Variants in POU6F2 observed in about 807,000 individuals in gnomAD.
POU6F2 encodes the protein POU class 6 homeobox 2.
A neutral mutation model predicts 71.3 loss-of-function variants in POU6F2; 31 were observed. The observed-to-expected ratio is 0.43, with a 90% CI of 0.33 to 0.59. The LOEUF (loss-of-function observed/expected upper bound fraction) is 0.59, where lower values mean the gene tolerates loss of function less well. POU6F2 is among the 20% of genes least tolerant of loss of function. The pLI is 0.04. For missense variants in POU6F2, 783 were observed against 856.8 expected (o/e 0.91, Z 1.07); for synonymous variants, 347 against 355.7 (o/e 0.98, Z 0.27).
chr7:39,414,005 C>G (rs559040543), intron 6 of POU6F2, among the ~76,000 whole-genome samples: 1 of 152,190 alleles, frequency 6.6e-6, no homozygotes, highest in Admixed American at 6.5e-5. Flanking sequence ...GCAGCCGTCT[C>G]GCGTGGGACC....
At chr7:39,244,470 G>A (rs548322160) in intron 4 of POU6F2, among the ~76,000 whole-genome samples, 2 of 152,278 alleles carry the variant, frequency 1.3e-5, no homozygotes, top group South Asian at 4.2e-4. Flanking sequence ...GAATATTTAT[G>A]TTTAGAGTCA....
intron 1 of POU6F2, among the ~76,000 whole-genome samples, chr7:39,049,506 G>A (rs73371329): frequency 0.018 from 2,785 of 151,868 alleles, 71 homozygotes; most frequent in African/African-American, 0.059. Flanking sequence ...ACTTAATTCC[G>A]TTGTAGTCAT....
chr7:39,162,820 A>G (rs553238407), intron 2 of POU6F2, among the ~76,000 whole-genome samples: 2 of 152,258 alleles, frequency 1.3e-5, no homozygotes, highest in East Asian at 3.9e-4. Flanking sequence ...TTCTTCTACT[A>G]CCTTAGTATC....
At chr7:39,045,194 T>C (rs919726180) in intron 1 of POU6F2, among the ~76,000 whole-genome samples, 1 of 151,958 alleles carries the variant, frequency 6.6e-6, no homozygotes, top group Non-Finnish European at 1.5e-5. Context: ...GCATCGCGAA[T>C]TCGCATCCCG....
intron 2 of POU6F2, among the ~76,000 whole-genome samples, chr7:39,181,387 T>C (rs994074517): frequency 2.0e-5 from 3 of 152,184 alleles, no homozygotes; most frequent in African/African-American, 7.2e-5. Context: ...TCTAACTCTG[T>C]TATTACCCAG....
rs189803474 is a variant in POU6F2, at chr7:39,032,459, A to G, written c.106-53401A>G. ...CCTATATATGTAGACATTCAGTTGA[A>G]TGAGGTTTGCACACATTGATCACAC... On this transcript the variant is annotated intron_variant, in intron 1 of 9. Transcript: ENST00000518318. Among the ~76,000 whole-genome samples the G allele has an allele frequency of 2.8e-3, 423 of 152,332 alleles. 4 individuals are homozygous for G. The highest frequency in any genetic ancestry group is 9.8e-3 in the African/African-American group (406 of 41,580).
intron 1 of POU6F2, among the ~76,000 whole-genome samples, chr7:39,003,867 G>A (rs1788983920): frequency 6.6e-6 from 1 of 151,802 alleles, no homozygotes; most frequent in African/African-American, 2.4e-5. Flanking sequence ...GTAATGTTAA[G>A]TGAAAAAAAA....
intron 6 of POU6F2, among the ~76,000 whole-genome samples, chr7:39,414,037 G>T (rs1017178002): frequency 3.9e-5 from 6 of 151,922 alleles, no homozygotes; most frequent in African/African-American, 1.5e-4. Context: ...GGAGCCAGGC[G>T]GCAGGGCTGC....
intron 2 of POU6F2, among the ~76,000 whole-genome samples, chr7:39,175,631 A>G (rs928347984): frequency 6.6e-6 from 1 of 152,206 alleles, no homozygotes; most frequent in Non-Finnish European, 1.5e-5. Context: ...CTCTGTCTTT[A>G]TATCAATGCA....
Position 39,433,243 on chromosome 7 carries a change from C to A in POU6F2, c.1280C>A (p.Thr427Asn). The A allele has an allele frequency of 6.2e-7, 1 of 1,613,944 alleles. No individual in the cohort carries two copies. The highest frequency in any genetic ancestry group is 1.1e-5 in the South Asian group (1 of 91,076). Residue 427 changes from threonine to asparagine, a missense_variant, in exon 7 of 10, where the codon ACC becomes AAC. Around this residue, in one of 2 missense-constraint regions of POU6F2, gnomAD observed 572 missense variants for 572.9 expected, o/e 1.00. Coordinates refer to ENST00000518318, the MANE Select transcript of POU6F2 (RefSeq NM_001370959.1). ...AACCAGATCCTGCCCGTGATCAACA[C>A]CCAGGGCATCACGCTGTCACCCATC... ...IGNQILPVIN[T>N]QGITLSPIKP...
intron 2 of POU6F2, among the ~76,000 whole-genome samples, chr7:39,103,927 A>G (rs1011708658): frequency 1.3e-5 from 2 of 152,234 alleles, no homozygotes; most frequent in Non-Finnish European, 2.9e-5. Flanking sequence ...ATGTCCAGCT[A>G]TAATTACCTA....
intron 2 of POU6F2, among the ~76,000 whole-genome samples, chr7:39,128,246 T>A (rs12668821): frequency 0.24 from 37,173 of 152,122 alleles, 5,251 homozygotes; most frequent in East Asian, 0.56. Flanking sequence ...TTTTATATTT[T>A]AAAAAATTTA....
chr7:39,080,793 C>T (rs1312257018), intron 1 of POU6F2, among the ~76,000 whole-genome samples: 1 of 152,204 alleles, frequency 6.6e-6, no homozygotes, highest in Non-Finnish European at 1.5e-5. Flanking sequence ...GTGGCTGCCA[C>T]TGGACACGGA....
intron 2 of POU6F2, among the ~76,000 whole-genome samples, chr7:39,126,635 C>T (rs1015745875): frequency 1.6e-4 from 25 of 152,208 alleles, no homozygotes; most frequent in African/African-American, 6.0e-4. Context: ...CCTAAGCAGA[C>T]CTCAGCCAAC....
At chr7:39,184,445 A>G (rs1793492251) in intron 2 of POU6F2, among the ~76,000 whole-genome samples, 1 of 152,222 alleles carries the variant, frequency 6.6e-6, no homozygotes, top group Non-Finnish European at 1.5e-5. Flanking sequence ...CAGAGGTGGT[A>G]TATGCCTAAA....
At position 39,158,941 on chromosome 7, in the gene POU6F2, G is replaced by A. The variant is rs535107138; in HGVS notation, c.278-45294G>A. On this transcript the variant is annotated intron_variant, in intron 2 of 9. Coordinates refer to ENST00000518318, the MANE Select transcript of POU6F2 (RefSeq NM_001370959.1). ...AATCCCAGCACTTTGGGAGGCCAAG[G>A]CAGGCGGATCACTTGAGCTCAGGAG... Among the ~76,000 whole-genome samples, 3 of 152,172 alleles carry A rather than the reference G, an allele frequency of 2.0e-5. No individual in the cohort carries two copies. In the South Asian group the frequency reaches 6.2e-4, roughly 32 times the overall value.
chr7:39,128,626 T>C (rs1215080201), intron 2 of POU6F2, among the ~76,000 whole-genome samples: 1 of 152,244 alleles, frequency 6.6e-6, no homozygotes, highest in Non-Finnish European at 1.5e-5. Flanking sequence ...GTCTGATTAT[T>C]ATCAGTGACG....
At chr7:39,180,346 C>T (rs1793413154) in intron 2 of POU6F2, among the ~76,000 whole-genome samples, 1 of 152,142 alleles carries the variant, frequency 6.6e-6, no homozygotes, top group Admixed American at 6.5e-5. Flanking sequence ...TATCTGAAAT[C>T]TCAATCGAAG....
intron 4 of POU6F2, among the ~76,000 whole-genome samples, chr7:39,215,955 G>C (rs187938185): frequency 1.3e-5 from 2 of 152,306 alleles, no homozygotes; most frequent in East Asian, 3.9e-4. Flanking sequence ...CTAGGATCCA[G>C]GCAGAAGAAG....
Sources: gnomAD v4.1 joint callset for allele counts (sites outside exome capture counted in the v4.1 genomes callset) on GRCh38, gnomAD v4.1.1 for gene constraint, gnomAD v4.1.1 regional missense constraint, MANE v1.5 for transcripts, NCBI Gene and HGNC (gene_info 2026-07-23, HGNC 2026-07-21) for gene names.